The following KLF8 variants were observed in gnomAD, a reference collection of about 807,000 sequenced individuals.
KLF8 encodes Krueppel-like factor 8.
Under a neutral mutation model 18.2 loss-of-function variants are expected in KLF8, and 10 were observed. The ratio of observed to expected loss-of-function variants is 0.55; its 90% confidence interval spans 0.34 to 0.93. The LOEUF (loss-of-function observed/expected upper bound fraction) is 0.93, where lower values mean the gene tolerates loss of function less well. Ranked by LOEUF, KLF8 falls within the 40% of genes least tolerant of loss-of-function variation. The pLI is 0.02. For missense variants in KLF8, 264 were observed against 277.9 expected, an observed-to-expected ratio of 0.95 and a Z score of 0.36; for synonymous variants, 109 against 97.3, an observed-to-expected ratio of 1.12 and a Z score of -0.71.
the KLF8 span, among the ~76,000 whole-genome samples, chrX:56,147,521 G>T: frequency 8.9e-6 from 1 of 112,025 alleles, no homozygotes; most frequent in Admixed American, 9.5e-5. Context: ...AGCGACAAAA[G>T]GTCACGTATT....
chrX:56,044,584 C>A, the KLF8 span, among the ~76,000 whole-genome samples: 1 of 112,922 alleles, frequency 8.9e-6, no homozygotes, highest in African/African-American at 3.2e-5. Flanking sequence ...AGTCTCGCCA[C>A]AATCTGGCAA....
chrX:56,211,152 A>G, the KLF8 span, among the ~76,000 whole-genome samples: 1 of 111,890 alleles, frequency 8.9e-6, no homozygotes, highest in African/African-American at 3.2e-5. Flanking sequence ...CACTGTCTGT[A>G]CTTATTTGTC....
the KLF8 span, among the ~76,000 whole-genome samples, chrX:56,108,462 T>C: frequency 8.9e-6 from 1 of 112,122 alleles, no homozygotes; most frequent in African/African-American, 3.2e-5. Context: ...GAGAAGATTA[T>C]GTTATCTTTT....
chrX:56,109,873 C>A, the KLF8 span, among the ~76,000 whole-genome samples: 16,793 of 110,036 alleles, frequency 0.15, 1,332 homozygotes, highest in Non-Finnish European at 0.24. Flanking sequence ...GTTTGCTGCA[C>A]CTGCAACCCA....
the KLF8 span, among the ~76,000 whole-genome samples, chrX:56,157,784 A>C: frequency 1.8e-5 from 2 of 111,318 alleles, no homozygotes; most frequent in African/African-American, 6.5e-5. Flanking sequence ...TAGATTCTGG[A>C]TATTAGCCCT....
chrX:56,054,777 C>T, the KLF8 span, among the ~76,000 whole-genome samples: 8 of 111,864 alleles, frequency 7.2e-5, no homozygotes, highest in Admixed American at 2.8e-4. Context: ...CTCCTATGCT[C>T]GGTGCATATA....
At chrX:56,152,516 A>G in the KLF8 span, among the ~76,000 whole-genome samples, 1 of 111,192 alleles carries the variant, frequency 9.0e-6, no homozygotes, top group Non-Finnish European at 1.9e-5. Flanking sequence ...GACTTAGATA[A>G]TAATAGAGGA....
At chrX:56,020,074 AAGTT>A in the KLF8 span, among the ~76,000 whole-genome samples, 1 of 112,247 alleles carries the variant, frequency 8.9e-6, no homozygotes, top group Non-Finnish European at 1.9e-5. Flanking sequence ...AGTCAGATAA[AAGTT>A]AGGTGGAAGG....
At chrX:56,172,009 T>A in the KLF8 span, among the ~76,000 whole-genome samples, 2 of 111,824 alleles carry the variant, frequency 1.8e-5, no homozygotes, top group Admixed American at 9.5e-5. Flanking sequence ...AGCATTCCTA[T>A]TTCTCCACAT....
chrX:55,927,598 A>AT, the KLF8 span, among the ~76,000 whole-genome samples: 1 of 111,733 alleles, frequency 8.9e-6, no homozygotes, highest in African/African-American at 3.3e-5. Flanking sequence ...AGACCTATTA[A>AT]TTTTCCAGTC....
chrX:56,253,249 CTG>C (rs1295953313), intron 2 of KLF8, among the ~76,000 whole-genome samples: 1 of 111,839 alleles, frequency 8.9e-6, no homozygotes, highest in East Asian at 2.8e-4. Context: ...CTTTGGTTGC[CTG>C]TGTTTGTGGG....
At chrX:55,982,892 T>A in the KLF8 span, among the ~76,000 whole-genome samples, 1 of 112,247 alleles carries the variant, frequency 8.9e-6, no homozygotes, top group Admixed American at 9.5e-5. Context: ...TATTCATTCA[T>A]GTAAGGTAAA....
the KLF8 span, among the ~76,000 whole-genome samples, chrX:56,195,308 C>G: frequency 9.0e-6 from 1 of 111,704 alleles, no homozygotes; most frequent in Non-Finnish European, 1.9e-5. Flanking sequence ...GATGTTCAAA[C>G]TCATCACAAG....
the KLF8 span, among the ~76,000 whole-genome samples, chrX:56,188,518 T>G: frequency 5.8e-3 from 653 of 111,833 alleles, 10 homozygotes; most frequent in Middle Eastern, 9.3e-3. Context: ...TGGAAAAAAC[T>G]ACTTTCAAGT....
At chrX:56,126,752 CTTTT>C in the KLF8 span, among the ~76,000 whole-genome samples, 4 of 72,598 alleles carry the variant, frequency 5.5e-5, no homozygotes, top group Non-Finnish European at 8.7e-5. Flanking sequence ...TTCTTTCTTT[CTTTT>C]TTTTTTTTTT....
chrX:55,936,875 G>C, the KLF8 span, among the ~76,000 whole-genome samples: 1 of 111,935 alleles, frequency 8.9e-6, no homozygotes, highest in Non-Finnish European at 1.9e-5. Context: ...CAAAGCAGCC[G>C]GGAAACTCGA....
At chrX:55,912,953 G>A in the KLF8 span, among the ~76,000 whole-genome samples, 2 of 111,993 alleles carry the variant, frequency 1.8e-5, no homozygotes, top group African/African-American at 3.2e-5. Flanking sequence ...GCTAGTAAGC[G>A]GCAGAGCTGA....
the KLF8 span, among the ~76,000 whole-genome samples, chrX:56,043,617 T>A: frequency 8.9e-6 from 1 of 112,361 alleles, no homozygotes; most frequent in African/African-American, 3.2e-5. Flanking sequence ...CTGTGATTGA[T>A]ACTTGTGATT....
At chrX:56,002,362 CT>C in the KLF8 span, among the ~76,000 whole-genome samples, 1 of 110,856 alleles carries the variant, frequency 9.0e-6, no homozygotes, top group African/African-American at 3.3e-5. Flanking sequence ...ACTCATCACA[CT>C]TTGTACTTCT....
Sources: allele counts gnomAD v4.1 joint callset (sites outside exome capture counted in the v4.1 genomes callset), GRCh38; gene constraint gnomAD v4.1.1; transcripts MANE v1.5; gene names NCBI Gene and HGNC (gene_info 2026-07-23, HGNC 2026-07-21).